Variants in TDRP observed in about 807,000 individuals in gnomAD.
TDRP encodes the protein testis development-related protein.
In TDRP, 12 loss-of-function variants were observed where a neutral mutation model predicts 10.5. The observed-to-expected ratio is 1.15, with a 90% CI of 0.73 to 1.86. The LOEUF is 1.86. Ranked by LOEUF, TDRP falls within the 40% of genes most tolerant of loss-of-function variation. The pLI is 0.00. For synonymous variants in TDRP, 139 were observed against 95.4 expected, an observed-to-expected ratio of 1.46 and a Z score of -2.67; for missense variants, 353 against 229.2, an observed-to-expected ratio of 1.54 and a Z score of -3.49.
intron 1 of TDRP, among the ~76,000 whole-genome samples, chr8:513,344 A>C (rs1484594301): frequency 6.6e-6 from 1 of 151,948 alleles, no homozygotes; most frequent in African/African-American, 2.4e-5. Flanking sequence ...TTATCTCAGG[A>C]AAGAAAGGTT....
At chr8:518,760 A>AT (rs35741906) in intron 1 of TDRP, among the ~76,000 whole-genome samples, 82,732 of 150,180 alleles carry the variant, frequency 0.55, 22,957 homozygotes, top group Admixed American at 0.62. Context: ...AGATTCCACC[A>AT]TTTTTTTTTT....
At chr8:543,166 G>C (rs998415554) in intron 1 of TDRP, among the ~76,000 whole-genome samples, 3 of 151,990 alleles carry the variant, frequency 2.0e-5, no homozygotes, top group African/African-American at 7.3e-5. Context: ...TTTAAAATTA[G>C]CCAGGTGAGG....
At chr8:492,840 A>T (rs1388608714) in intron 2 of TDRP, 96 bp from the exon 3 acceptor site, 5 of 1,023,814 alleles carry the variant, frequency 4.9e-6, no homozygotes, top group Admixed American at 6.2e-5. Context: ...AAATTTTAAA[A>T]AATTGTTTAG....
chr8:521,243 ATC>A (rs1491110738), intron 1 of TDRP, among the ~76,000 whole-genome samples: 68 of 96,636 alleles, frequency 7.0e-4, no homozygotes, highest in Non-Finnish European at 1.3e-3. Flanking sequence ...TCTACTAAAA[ATC>A]CAAAAAAAAA....
At chr8:511,496 G>C (rs1338031799) in intron 1 of TDRP, among the ~76,000 whole-genome samples, 2 of 152,042 alleles carry the variant, frequency 1.3e-5, no homozygotes, top group African/African-American at 4.8e-5. Context: ...CATAAAGGGA[G>C]AACTAGAAAA....
At chr8:526,921 T>A (rs1802049779) in intron 1 of TDRP, among the ~76,000 whole-genome samples, 1 of 152,144 alleles carries the variant, frequency 6.6e-6, no homozygotes, top group Admixed American at 6.5e-5. Flanking sequence ...AAATAATCCT[T>A]GTTTGCAGAC....
chr8:545,719 C>G (rs1802635691), upstream of TDRP: 1 of 151,952 alleles, frequency 6.6e-6, no homozygotes, highest in South Asian at 2.1e-4. Flanking sequence ...GAGGAAGCCT[C>G]GCCCAGCCCT....
Position 544,737 on chromosome 8 carries a change from G to A in TDRP, c.21C>T (p.Gly7=). The change falls in exon 1 of 3, where the codon GGC becomes GGT. Residue 7 remains glycine (G), a synonymous_variant. Coordinates refer to ENST00000324079, the MANE Select transcript of TDRP (RefSeq NM_001384899.1). ...CGGGGGGCTCGTCCAGCAGCACTCGGCCCCGGCCCAGCTTCCACATGGTCA... is the reference window on the plus strand; with the variant it reads ...CGGGGGGCTCGTCCAGCAGCACTCGACCCCGGCCCAGCTTCCACATGGTCA... MWKLGR[G]RVLLDEPPEE... 8.1e-7 allele frequency: 1 copy of A among 1,240,076 alleles called. No individual in the cohort carries two copies. Among genetic ancestry groups the A allele is most frequent in the Non-Finnish European group, 1.0e-6 (1 of 990,596 alleles). 76.8% of individuals were successfully genotyped at this position (1,240,076 alleles called of 1,614,324 possible). A position where few individuals can be genotyped will look rare whatever the true frequency, so the allele number is the denominator to read the frequency against.
chr8:528,520 C>G (rs1007745651), intron 1 of TDRP, among the ~76,000 whole-genome samples: 1 of 149,812 alleles, frequency 6.7e-6, no homozygotes, highest in South Asian at 2.2e-4. Context: ...AAGTATCCAT[C>G]AACATCAACA....
At chr8:504,433 G>C (rs73527937) in intron 1 of TDRP, among the ~76,000 whole-genome samples, 1 of 152,102 alleles carries the variant, frequency 6.6e-6, no homozygotes, top group African/African-American at 2.4e-5. Flanking sequence ...GGCAGGGGAA[G>C]GGCCTAGAGC....
chr8:496,903 A>T (rs1338301575), intron 1 of TDRP, among the ~76,000 whole-genome samples: 1 of 152,224 alleles, frequency 6.6e-6, no homozygotes, highest in African/African-American at 2.4e-5. Flanking sequence ...CATGTAAGAC[A>T]TGCCTAGCTT....
At chr8:513,147 A>AAC (rs1801663124) in intron 1 of TDRP, among the ~76,000 whole-genome samples, 1 of 151,762 alleles carries the variant, frequency 6.6e-6, no homozygotes, top group Non-Finnish European at 1.5e-5. Context: ...AACATTTTCT[A>AAC]ACTCATTTTG....
intron 1 of TDRP, among the ~76,000 whole-genome samples, chr8:529,428 G>C (rs528959442): frequency 3.3e-5 from 5 of 152,184 alleles, no homozygotes; most frequent in East Asian, 3.9e-4. Flanking sequence ...TATATTATAG[G>C]ATTCTGTTTT....
At chr8:520,460 C>T (rs1274670944) in intron 1 of TDRP, among the ~76,000 whole-genome samples, 1 of 152,162 alleles carries the variant, frequency 6.6e-6, no homozygotes, top group Non-Finnish European at 1.5e-5. Flanking sequence ...GGGATATATA[C>T]ACAGAAGTGG....
At chr8:529,171 T>C (rs1031989269) in intron 1 of TDRP, among the ~76,000 whole-genome samples, 1 of 152,148 alleles carries the variant, frequency 6.6e-6, no homozygotes, top group Admixed American at 6.5e-5. Flanking sequence ...TTAACCTCCT[T>C]TGGCAACACC....
chr8:493,809 C>T (rs1801050335), intron 2 of TDRP, among the ~76,000 whole-genome samples: 1 of 151,508 alleles, frequency 6.6e-6, no homozygotes, highest in Non-Finnish European at 1.5e-5. Flanking sequence ...TGGTTTTTTT[C>T]TGAAACTACT....
chr8:532,714 G>A (rs773367999), intron 1 of TDRP, among the ~76,000 whole-genome samples: 1 of 152,138 alleles, frequency 6.6e-6, no homozygotes, highest in Admixed American at 6.5e-5. Flanking sequence ...AACAAATTCT[G>A]TATCACAAAC....
At chr8:543,298 G>A (rs549807740) in intron 1 of TDRP, among the ~76,000 whole-genome samples, 1 of 152,178 alleles carries the variant, frequency 6.6e-6, no homozygotes, top group Non-Finnish European at 1.5e-5. Flanking sequence ...AGTAAACGGG[G>A]CAAGACCCTG....
chr8:515,095 A>T (rs1277934535), intron 1 of TDRP, among the ~76,000 whole-genome samples: 1 of 152,158 alleles, frequency 6.6e-6, no homozygotes, highest in Non-Finnish European at 1.5e-5. Context: ...ACCTTGTGGG[A>T]ATCCACACAG....
Sources: allele counts gnomAD v4.1 joint callset (sites outside exome capture counted in the v4.1 genomes callset), GRCh38; gene constraint gnomAD v4.1.1; transcripts MANE v1.5; gene names NCBI Gene and HGNC (gene_info 2026-07-23, HGNC 2026-07-21).